ZNF512: variants seen among roughly 807,000 people sequenced by gnomAD.
ZNF512 encodes zinc finger protein 512.
In ZNF512, 25 loss-of-function variants were observed where a neutral mutation model predicts 77.5. The observed-to-expected ratio is 0.32, with a 90% confidence interval of 0.23 to 0.45. ZNF512 has a LOEUF of 0.45. Ranked by LOEUF, ZNF512 falls within the 20% of genes least tolerant of loss-of-function variation. The pLI is 1.00. For missense variants in ZNF512, 483 were observed against 692.6 expected (o/e 0.70, Z 3.40); for synonymous variants, 246 against 239.9 (o/e 1.03, Z -0.24).
rs564980843 is a variant in ZNF512 at position 27,615,114 on chromosome 2, T to C, written c.1132-54T>C. The C allele has an allele frequency of 9.4e-6, 10 of 1,061,412 alleles. No homozygotes were observed. The African/African-American group carries it at 1.6e-4, about 17-fold the overall frequency. 65.7% of individuals were successfully genotyped at this position (1,061,412 alleles called of 1,614,324 possible). On this transcript the variant is annotated intron_variant, in intron 10 of 13. Coordinates refer to ENST00000355467, the MANE Select transcript of ZNF512 (RefSeq NM_032434.4). ...AGAGTTGGGTGTGAAACTTTTGGGA[T>C]ATTTTGGTTGGGAGTTGTATTTATC... is the stretch of plus-strand genomic sequence containing the variant.
chr2:27,599,799 T>C, intron 4 of ZNF512, 121 bp downstream of exon 4: 1 of 1,146,000 alleles, frequency 8.7e-7, no homozygotes, highest in Non-Finnish European at 1.3e-6. Flanking sequence ...TTGAATTGTT[T>C]GGGAGGGAAT....
intron 2 of ZNF512, among the ~76,000 whole-genome samples, chr2:27,592,909 T>C (rs980950721): frequency 6.6e-6 from 1 of 150,972 alleles, no homozygotes; most frequent in African/African-American, 2.4e-5. Context: ...GGTCGTGAAC[T>C]CCTGACCTCA....
intron 10 of ZNF512, among the ~76,000 whole-genome samples, chr2:27,610,886 G>A (rs752544251): frequency 6.6e-6 from 1 of 151,492 alleles, no homozygotes; most frequent in Non-Finnish European, 1.5e-5. Context: ...TTATATTTTC[G>A]ACAGCGTATA....
intron 10 of ZNF512, among the ~76,000 whole-genome samples, chr2:27,612,204 C>G (rs1031638595): frequency 6.6e-6 from 1 of 152,048 alleles, no homozygotes; most frequent in Admixed American, 6.6e-5. Context: ...GGCAGTTGAG[C>G]GCTCTTTCAA....
chr2:27,617,396 C>CT lies in ZNF512; in HGVS notation c.1297-76dup, dbSNP rs1322528222. The stretch of plus-strand genomic sequence containing the variant: ...GAAGTAGAATTCCCTCTTTTCATCT[C>CT]TAACAATCCCTACACATAGCCCAGT... On this transcript the variant is annotated intron_variant, in intron 12 of 13. Coordinates refer to ENST00000355467, the MANE Select transcript of ZNF512 (RefSeq NM_032434.4). The CT allele has an allele frequency of 9.4e-6, 7 of 743,596 alleles. No individual in the cohort carries two copies. In the African/African-American group the frequency reaches 1.0e-4, roughly 11 times the overall value. The allele number at this position is 743,596 out of a possible 1,614,324, so 46.1% of individuals were successfully genotyped here.
chr2:27,584,762 A>T (rs1671253371), intron 2 of ZNF512, among the ~76,000 whole-genome samples: 1 of 152,178 alleles, frequency 6.6e-6, no homozygotes, highest in Non-Finnish European at 1.5e-5. Flanking sequence ...GGAAAGAGTT[A>T]ATGGGATAGT....
intron 9 of ZNF512, among the ~76,000 whole-genome samples, chr2:27,604,617 CA>C (rs1031635171): frequency 1.9e-4 from 29 of 151,742 alleles, no homozygotes; most frequent in African/African-American, 6.8e-4. Context: ...CCTGTCTCTA[CA>C]AAAAATGAAA....
intron 10 of ZNF512, among the ~76,000 whole-genome samples, chr2:27,608,501 C>T (rs1185182800): frequency 6.6e-6 from 1 of 152,058 alleles, no homozygotes; most frequent in Non-Finnish European, 1.5e-5. Flanking sequence ...AGCCCAAAGC[C>T]TTGTCTACTT....
intron 11 of ZNF512, among the ~76,000 whole-genome samples, 200 bp from the exon 12 acceptor site, chr2:27,616,062 C>T (rs771568980): frequency 2.6e-5 from 4 of 152,186 alleles, no homozygotes; most frequent in Non-Finnish European, 5.9e-5. Flanking sequence ...AACTTGTTCA[C>T]CTTCTGTTTC....
At chr2:27,620,253 T>C (rs1185996102) in intron 13 of ZNF512, among the ~76,000 whole-genome samples, 1 of 152,250 alleles carries the variant, frequency 6.6e-6, no homozygotes, top group Non-Finnish European at 1.5e-5. Flanking sequence ...ATATTTTACA[T>C]GAAAGCATAT....
chr2:27,609,931 C>T (rs1223978757), intron 10 of ZNF512, among the ~76,000 whole-genome samples: 1 of 148,294 alleles, frequency 6.7e-6, no homozygotes, highest in Non-Finnish European at 1.5e-5. Flanking sequence ...GTCTCAGGTA[C>T]TGGGGAGGCT....
At chr2:27,584,933 T>C (rs1394937382) in intron 2 of ZNF512, among the ~76,000 whole-genome samples, 2 of 152,170 alleles carry the variant, frequency 1.3e-5, no homozygotes, top group Non-Finnish European at 2.9e-5. Context: ...CAGATATTGG[T>C]CTTAGGCCAC....
chr2:27,615,059 G>T, intron 10 of ZNF512, 109 bp from the exon 11 acceptor site: 1 of 661,310 alleles, frequency 1.5e-6, no homozygotes, highest in South Asian at 2.0e-5. Context: ...TTGTGTACAA[G>T]AGTATAGATT....
At chr2:27,618,802 C>T (rs1489181517) in intron 13 of ZNF512, among the ~76,000 whole-genome samples, 3 of 152,090 alleles carry the variant, frequency 2.0e-5, no homozygotes, top group South Asian at 2.1e-4. Context: ...ACAGAGAAAT[C>T]GTTTATGATA....
At chr2:27,586,087 A>C (rs902961616) in intron 2 of ZNF512, among the ~76,000 whole-genome samples, 3 of 152,204 alleles carry the variant, frequency 2.0e-5, no homozygotes, top group African/African-American at 7.2e-5. Context: ...ATGCTTATTC[A>C]TAAGAGGGTA....
At chr2:27,600,839 A>C (rs1672085210) in intron 6 of ZNF512, 24 bp downstream of exon 6, 6 of 1,603,370 alleles carry the variant, frequency 3.7e-6, no homozygotes, top group African/African-American at 1.3e-5. Context: ...GCGTTTCATA[A>C]CTGTTACGAT....
chr2:27,613,983 T>C (rs1449079621), intron 10 of ZNF512, among the ~76,000 whole-genome samples: 1 of 152,132 alleles, frequency 6.6e-6, no homozygotes, highest in Non-Finnish European at 1.5e-5. Flanking sequence ...AGATTTTAGA[T>C]AGGCCCATTT....
chr2:27,592,118 T>C (rs979438916), intron 2 of ZNF512, among the ~76,000 whole-genome samples: 7 of 151,894 alleles, frequency 4.6e-5, no homozygotes, highest in Admixed American at 3.3e-4. Context: ...GCCTGCTGAG[T>C]AGCTGGGACT....
chr2:27,607,783 A>G, intron 9 of ZNF512, 62 bp from the exon 10 acceptor site: 2 of 1,539,812 alleles, frequency 1.3e-6, no homozygotes, highest in East Asian at 2.2e-5. Context: ...TCAGCCTTTA[A>G]TCACTGGCTG....
Sources: allele counts gnomAD v4.1 joint callset (sites outside exome capture counted in the v4.1 genomes callset), GRCh38; gene constraint gnomAD v4.1.1; transcripts MANE v1.5; gene names NCBI Gene and HGNC (gene_info 2026-07-23, HGNC 2026-07-21).